ZNF225: variants seen among roughly 807,000 people sequenced by gnomAD.
ZNF225 encodes zinc finger protein 225.
A neutral mutation model predicts 12.0 loss-of-function variants in ZNF225; 6 were observed. The ratio of observed to expected loss-of-function variants is 0.50; its 90% CI spans 0.27 to 0.98. The LOEUF is 0.98. ZNF225 is among the 50% of genes least tolerant of loss of function. ZNF225 has a pLI of 0.11. For missense variants in ZNF225, 763 were observed against 848.2 expected (o/e 0.90, Z 1.25); for synonymous variants, 271 against 283.2 (o/e 0.96, Z 0.43).
intron 4 of ZNF225, chr19:44,129,377 A>G: frequency 4.2e-6 from 1 of 240,346 alleles, no homozygotes; most frequent in Non-Finnish European, 7.9e-6. Context: ...GATGCATATT[A>G]CAATTAGGAG....
Position 44,118,185 on chromosome 19 carries a change from T to A in ZNF225, c.16-3T>A. 6.2e-7 allele frequency: 1 copy of A among 1,611,180 alleles called. No individual in the cohort carries two copies. Among genetic ancestry groups the A allele is most frequent in the Non-Finnish European group, 8.5e-7 (1 of 1,178,600 alleles). ...CTGAGGTTGCATATGTTCGATGCTG[T>A]AGGAGGCAGTGACCTTCAAGGACGT... is the stretch of plus-strand genomic sequence containing the variant. On this transcript the variant is annotated splice_region_variant and splice_polypyrimidine_tract_variant and intron_variant, in intron 2 of 4. Coordinates refer to ENST00000262894, the MANE Select transcript of ZNF225 (RefSeq NM_013362.4).
upstream of ZNF225, chr19:44,112,024 G>C (rs1156501269): frequency 1.3e-5 from 2 of 152,244 alleles, no homozygotes; most frequent in Non-Finnish European, 2.9e-5. Context: ...AGGGGTCTCC[G>C]AGCGGAAAAG....
At position 44,124,576 on chromosome 19, in the gene ZNF225, T is replaced by A. The variant is rs1968111882; in HGVS notation, c.235+6002T>A. ...AAATTCTTTGTTTCTTTGTTGACTT[T>A]CTTTCTTGATGACCTGTCTGATGCT... On this transcript the variant is annotated intron_variant, in intron 4 of 4. Transcript: ENST00000262894. Among the ~76,000 whole-genome samples the A allele has an allele frequency of 4.6e-5, 7 of 152,354 alleles. No homozygotes were observed. In the South Asian group the frequency reaches 1.4e-3, roughly 32 times the overall value.
In ZNF225 at chr19:44,132,025, CTT is replaced by C. The variant is rs1176121302; in HGVS notation, c.1414_1415del (p.Leu472GlufsTer13). ...GAAGAGCTTTGGCTGGGCCTCGTGT[CTT>C]TTGAATCATCAGAGAATCCACAGTG... is the stretch of plus-strand genomic sequence containing the variant. ...CGKSFGWASC[L>X]LNHQRIHSGE... On this transcript the variant is annotated frameshift_variant, in exon 5 of 5. Coordinates refer to ENST00000262894, the MANE Select transcript of ZNF225 (RefSeq NM_013362.4). LOFTEE classifies it low-confidence loss of function (END_TRUNC). The C allele has an allele frequency of 1.9e-6, 3 of 1,612,044 alleles. No homozygotes were observed. The highest frequency in any genetic ancestry group is 2.5e-6 in the Non-Finnish European group (3 of 1,179,502).
At chr19:44,118,637 T>C in intron 4 of ZNF225, 63 bp downstream of exon 4, 2 of 1,504,706 alleles carry the variant, frequency 1.3e-6, no homozygotes, top group South Asian at 2.3e-5. Context: ...CTTCTGTCCA[T>C]TGCCCAGCTC....
chr19:44,120,184 T>G (rs1355746282), intron 4 of ZNF225, among the ~76,000 whole-genome samples: 3 of 152,156 alleles, frequency 2.0e-5, no homozygotes, highest in South Asian at 2.1e-4. Flanking sequence ...GCCACCGCAC[T>G]CCAGCCTTGG....
intron 4 of ZNF225, among the ~76,000 whole-genome samples, chr19:44,126,637 G>A (rs749253515): frequency 1.3e-5 from 2 of 152,088 alleles, no homozygotes; most frequent in Non-Finnish European, 2.9e-5. Flanking sequence ...AGCTACCAGG[G>A]TGGGTAGGGA....
chr19:44,121,879 T>C (rs1011080524), intron 4 of ZNF225, among the ~76,000 whole-genome samples: 1 of 152,252 alleles, frequency 6.6e-6, no homozygotes, highest in Non-Finnish European at 1.5e-5. Flanking sequence ...GAGTTTGTTG[T>C]AGATTCTGGA....
Position 44,132,528 on chromosome 19 carries a change from T to C in ZNF225, c.1914T>C (p.Thr638=), listed in dbSNP as rs1968301881. The C allele has an allele frequency of 6.2e-7, 1 of 1,614,038 alleles. No homozygotes were observed. The highest frequency in any genetic ancestry group is 1.3e-5 in the African/African-American group (1 of 75,018). Residue 638 remains threonine, a synonymous_variant, in exon 5 of 5, where the codon ACT becomes ACC. Coordinates refer to ENST00000262894, the MANE Select transcript of ZNF225 (RefSeq NM_013362.4). ...KCGKSFRWAS[T]HLTHQRLHSR... ...GAAAGAGCTTCAGATGGGCCTCAAC[T>C]CATCTAACCCATCAGAGACTCCACA...
chr19:44,114,136 G>A (rs1967888256), intron 1 of ZNF225: 1 of 811,618 alleles, frequency 1.2e-6, no homozygotes, highest in South Asian at 1.7e-5. Flanking sequence ...GTGTTTCACA[G>A]CCTTCTCCTT....
At chr19:44,111,492 G>A (rs1967830207), upstream of ZNF225, among the ~76,000 whole-genome samples, 1 of 152,154 alleles carries the variant, frequency 6.6e-6, no homozygotes. Context: ...AAACAAATAC[G>A]TATACACGAA....
At chr19:44,117,020 A>G (rs1294528515) in intron 2 of ZNF225, among the ~76,000 whole-genome samples, 1 of 152,204 alleles carries the variant, frequency 6.6e-6, no homozygotes, top group Non-Finnish European at 1.5e-5. Context: ...ATTAAAGATT[A>G]TTTAGAGTAG....
rs1292965450 is a variant in ZNF225 at position 44,132,811 on chromosome 19, TTAAC to T, written c.*77_*80del. ...ATGTGTAATGATCAAATCAGTGTAA[TTAAC>T]ATACCTATCACCTCAAACATTTATC... is the stretch of plus-strand genomic sequence containing the variant. On this transcript the variant is annotated 3_prime_UTR_variant, in exon 5 of 5. Coordinates refer to ENST00000262894, the MANE Select transcript of ZNF225 (RefSeq NM_013362.4). The T allele has an allele frequency of 1.7e-6, 2 of 1,205,488 alleles. No individual in the cohort carries two copies. The highest frequency in any genetic ancestry group is 2.3e-6 in the Non-Finnish European group (2 of 880,132). The allele number at this position is 1,205,488 out of a possible 1,614,324, so 74.7% of individuals were successfully genotyped here.
chr19:44,111,442 AAAAC>A (rs557918798), upstream of ZNF225, among the ~76,000 whole-genome samples: 146 of 152,364 alleles, frequency 9.6e-4, 1 homozygote, highest in African/African-American at 3.3e-3. Flanking sequence ...CTCAAAACAA[AAAAC>A]AAACAAAAAA....
chr19:44,122,215 G>A (rs1968069571), intron 4 of ZNF225, among the ~76,000 whole-genome samples: 1 of 152,134 alleles, frequency 6.6e-6, no homozygotes, highest in Admixed American at 6.5e-5. Flanking sequence ...CCTACATGTG[G>A]CTAGCCAATT....
chr19:44,130,763 T>G, intron 4 of ZNF225, 87 bp from the exon 5 acceptor site: 1 of 1,007,912 alleles, frequency 9.9e-7, no homozygotes, highest in African/African-American at 1.7e-5. Context: ...TTTATTAAAA[T>G]TTCAGGCTAT....
chr19:44,127,238 A>G (rs1247935764), intron 4 of ZNF225, among the ~76,000 whole-genome samples: 3 of 152,194 alleles, frequency 2.0e-5, no homozygotes, highest in African/African-American at 7.2e-5. Context: ...CTACCCCTGT[A>G]TCTTACTCAG....
chr19:44,129,333 A>G (rs576602088), intron 4 of ZNF225: 14 of 333,716 alleles, frequency 4.2e-5, no homozygotes, highest in African/African-American at 3.0e-4. Context: ...TTCATGTTCC[A>G]TATTCTTAAA....
chr19:44,132,575 G>A lies in ZNF225; in HGVS notation c.1961G>A (p.Cys654Tyr). The A allele has an allele frequency of 1.6e-5, 26 of 1,614,186 alleles. No individual in the cohort carries two copies. Among genetic ancestry groups the A allele is most frequent in the Non-Finnish European group, 2.2e-5 (26 of 1,180,002 alleles). Residue 654 changes from cysteine to tyrosine, a missense_variant, in exon 5 of 5, where the codon TGT becomes TAT. Cys to Tyr is a radical substitution (Grantham distance 194). Coordinates refer to ENST00000262894, the MANE Select transcript of ZNF225 (RefSeq NM_013362.4). ...RLHSREKLLQ[C>Y]EDCGKSIVHS... ...CACAGTAGAGAAAAACTACTTCAAT[G>A]TGAGGACTGTGGGAAGAGCATTGTG...
Sources: gnomAD v4.1 joint callset for allele counts (sites outside exome capture counted in the v4.1 genomes callset) on GRCh38, gnomAD v4.1.1 for gene constraint, MANE v1.5 for transcripts, NCBI Gene and HGNC (gene_info 2026-07-23, HGNC 2026-07-21) for gene names.